Variants in ARB2A observed in about 807,000 individuals in gnomAD.
ARB2A encodes the protein cotranscriptional regulator ARB2A.
At chr5:94,041,307 C>G in the ARB2A span, among the ~76,000 whole-genome samples, 1 of 151,908 alleles carries the variant, frequency 6.6e-6, no homozygotes, top group Non-Finnish European at 1.5e-5. Context: ...CCTGTAAGCC[C>G]ACTTTTCAAG....
chr5:93,767,851 G>A, the ARB2A span, among the ~76,000 whole-genome samples: 4 of 151,534 alleles, frequency 2.6e-5, no homozygotes, highest in African/African-American at 9.7e-5. Context: ...AAAATTAGCT[G>A]AGCGTGGTGG....
the ARB2A span, among the ~76,000 whole-genome samples, chr5:94,068,637 C>A: frequency 1.3e-5 from 2 of 152,094 alleles, no homozygotes; most frequent in Non-Finnish European, 2.9e-5. Context: ...CTGCCTTTAG[C>A]CTAATTTGTA....
the ARB2A span, among the ~76,000 whole-genome samples, chr5:93,892,859 C>G: frequency 6.6e-6 from 1 of 152,110 alleles, no homozygotes; most frequent in African/African-American, 2.4e-5. Context: ...TCTTAAGAGT[C>G]CTTAGCAGAT....
the ARB2A span, among the ~76,000 whole-genome samples, chr5:93,673,379 CTCTTT>C: frequency 2.6e-5 from 4 of 151,754 alleles, no homozygotes; most frequent in Admixed American, 2.0e-4. Flanking sequence ...TTTCTCTCTT[CTCTTT>C]TTTTTTTCTC....
the ARB2A span, among the ~76,000 whole-genome samples, chr5:93,903,707 A>T: frequency 8.3e-6 from 1 of 120,724 alleles, no homozygotes; most frequent in South Asian, 2.7e-4. Flanking sequence ...AATTCTATAT[A>T]TCTGTGTGTG....
At chr5:93,915,125 T>C in the ARB2A span, among the ~76,000 whole-genome samples, 6,333 of 152,062 alleles carry the variant, frequency 0.042, 184 homozygotes, top group East Asian at 0.14. Flanking sequence ...AGTAACTTTC[T>C]ACTTTGGTGT....
the ARB2A span, among the ~76,000 whole-genome samples, chr5:93,870,709 T>C: frequency 1.3e-5 from 2 of 152,212 alleles, no homozygotes; most frequent in East Asian, 3.9e-4. Context: ...CTAGTAGTCA[T>C]AGTCTTTACT....
chr5:93,942,836 T>C, the ARB2A span, among the ~76,000 whole-genome samples: 1 of 152,156 alleles, frequency 6.6e-6, no homozygotes, highest in Non-Finnish European at 1.5e-5. Context: ...CATGTATGTA[T>C]GTAGCTGTAG....
chr5:94,089,537 T>G, the ARB2A span, among the ~76,000 whole-genome samples: 23 of 151,866 alleles, frequency 1.5e-4, no homozygotes, highest in Non-Finnish European at 1.8e-4. Flanking sequence ...GTTAAGGGGT[T>G]TTGTTTTTAC....
At chr5:94,034,948 A>T in the ARB2A span, among the ~76,000 whole-genome samples, 1 of 152,168 alleles carries the variant, frequency 6.6e-6, no homozygotes, top group Non-Finnish European at 1.5e-5. Flanking sequence ...TCTAGGTTGC[A>T]CACTCCTTAT....
the ARB2A span, among the ~76,000 whole-genome samples, chr5:93,879,697 C>T: frequency 6.6e-6 from 1 of 151,478 alleles, no homozygotes; most frequent in Non-Finnish European, 1.5e-5. Context: ...GCAATGGTGA[C>T]AAGATAAAGA....
chr5:93,727,576 A>G, the ARB2A span, among the ~76,000 whole-genome samples: 4 of 152,118 alleles, frequency 2.6e-5, no homozygotes, highest in Non-Finnish European at 5.9e-5. Flanking sequence ...ATGAGGGTAT[A>G]TACCTTCTGG....
At chr5:93,951,144 A>G in the ARB2A span, among the ~76,000 whole-genome samples, 3 of 152,092 alleles carry the variant, frequency 2.0e-5, no homozygotes, top group Admixed American at 2.0e-4. Flanking sequence ...AGAAAAGTCT[A>G]TTAGGATCTT....
chr5:93,797,499 A>G, the ARB2A span, among the ~76,000 whole-genome samples: 2 of 152,168 alleles, frequency 1.3e-5, no homozygotes, highest in African/African-American at 4.8e-5. Flanking sequence ...AATTTTTGTT[A>G]CATCACACCT....
chr5:93,888,934 AACT>A, the ARB2A span, among the ~76,000 whole-genome samples: 1 of 151,786 alleles, frequency 6.6e-6, no homozygotes. Flanking sequence ...TTTAATAAGC[AACT>A]ACTATCTACC....
the ARB2A span, among the ~76,000 whole-genome samples, chr5:93,918,060 A>G: frequency 6.6e-6 from 1 of 152,170 alleles, no homozygotes; most frequent in African/African-American, 2.4e-5. Context: ...ATGACTCTCA[A>G]TGTGGTCCTA....
the ARB2A span, among the ~76,000 whole-genome samples, chr5:94,108,155 T>G: frequency 0.015 from 2,301 of 152,250 alleles, 58 homozygotes; most frequent in African/African-American, 0.052. Flanking sequence ...ACACGTCTTT[T>G]CTGTTTCTTC....
At chr5:93,947,731 T>C in the ARB2A span, among the ~76,000 whole-genome samples, 1 of 141,400 alleles carries the variant, frequency 7.1e-6, no homozygotes, top group Non-Finnish European at 1.5e-5. Flanking sequence ...GTGTTCTCAT[T>C]GTTCAATTCC....
chr5:93,683,567 G>A, the ARB2A span: 1 of 1,433,160 alleles, frequency 7.0e-7, no homozygotes, highest in Non-Finnish European at 9.7e-7. Flanking sequence ...CTTTGCACCA[G>A]CCCTAAACTG....
Sources: gnomAD v4.1 joint callset for allele counts (sites outside exome capture counted in the v4.1 genomes callset) on GRCh38, gnomAD v4.1.1 for gene constraint, MANE v1.5 for transcripts, NCBI Gene and HGNC (gene_info 2026-07-23, HGNC 2026-07-21) for gene names.